Variants in COL25A1 observed in about 807,000 individuals in gnomAD.
COL25A1 encodes collagen type XXV alpha 1 chain.
A neutral mutation model predicts 128.4 loss-of-function variants in COL25A1; 103 were observed. The ratio of observed to expected loss-of-function variants is 0.80; its 90% confidence interval spans 0.68 to 0.94. The LOEUF (loss-of-function observed/expected upper bound fraction) is 0.94, where lower values mean the gene tolerates loss of function less well. COL25A1 is among the 40% of genes least tolerant of loss of function. The pLI, the probability that COL25A1 is intolerant of heterozygous loss-of-function variation, is 0.00. For missense variants in COL25A1, 745 were observed against 840.0 expected, an observed-to-expected ratio of 0.89 and a Z score of 1.40; for synonymous variants, 279 against 277.2, an observed-to-expected ratio of 1.01 and a Z score of -0.06.
At chr4:109,159,769 C>A (rs756203106) in intron 3 of COL25A1, among the ~76,000 whole-genome samples, 2 of 152,112 alleles carry the variant, frequency 1.3e-5, no homozygotes, top group Non-Finnish European at 2.9e-5. Context: ...CAACATTAGA[C>A]CATTTCTAAC....
At chr4:109,165,981 C>T (rs964378686) in intron 3 of COL25A1, among the ~76,000 whole-genome samples, 2 of 152,030 alleles carry the variant, frequency 1.3e-5, no homozygotes, top group Admixed American at 1.3e-4. Context: ...TTTTTAAGCT[C>T]TTGCTTTAAA....
rs796797540 is a variant in COL25A1 at position 109,144,204 on chromosome 4, G to A, written c.368-94025C>T. Among the ~76,000 whole-genome samples, 53 of 152,296 alleles carry A rather than the reference G, an allele frequency of 3.5e-4. 1 individual carries two copies. Among genetic ancestry groups the A allele is most frequent in the African/African-American group, 1.2e-3 (51 of 41,574 alleles). ...TAGAGGTCCATTCCCAACCCTGTTT[G>A]CCCTAGTATCACCAGCGGAGGCTGC... On this transcript the variant is annotated intron_variant, in intron 3 of 37. Transcript: ENST00000399132.
intron 32 of COL25A1, among the ~76,000 whole-genome samples, chr4:108,829,628 G>A (rs76388118): frequency 0.034 from 5,180 of 151,782 alleles, 128 homozygotes; most frequent in Non-Finnish European, 0.053. Flanking sequence ...CTTCTCACTT[G>A]AGAATCTTGG....
intron 23 of COL25A1, among the ~76,000 whole-genome samples, chr4:108,860,336 C>T (rs1737049447): frequency 6.6e-6 from 1 of 152,168 alleles, no homozygotes; most frequent in Non-Finnish European, 1.5e-5. Context: ...AGGTGATCCA[C>T]CAGCCTTGGC....
intron 3 of COL25A1, among the ~76,000 whole-genome samples, chr4:109,297,061 T>C (rs1317601842): frequency 6.6e-6 from 1 of 152,142 alleles, no homozygotes; most frequent in Non-Finnish European, 1.5e-5. Context: ...TGGTTACTGC[T>C]AAACCAAATA....
intron 3 of COL25A1, among the ~76,000 whole-genome samples, chr4:109,112,392 A>G (rs1297276885): frequency 6.6e-6 from 1 of 152,120 alleles, no homozygotes; most frequent in Non-Finnish European, 1.5e-5. Context: ...TTGTCTGACC[A>G]TAATAAATAT....
chr4:109,012,459 C>A (rs929722599), intron 5 of COL25A1, among the ~76,000 whole-genome samples: 1 of 152,160 alleles, frequency 6.6e-6, no homozygotes, highest in African/African-American at 2.4e-5. Context: ...CCTCTGCTTG[C>A]GGGGAGGTGT....
At chr4:109,070,774 G>C (rs1762884941) in intron 3 of COL25A1, among the ~76,000 whole-genome samples, 1 of 146,872 alleles carries the variant, frequency 6.8e-6, no homozygotes, top group South Asian at 2.1e-4. Context: ...CTATGAGTGA[G>C]AACATGCGGT....
rs756563490 is a variant in COL25A1 at position 108,832,394 on chromosome 4, G to T, written c.1696C>A (p.Pro566Thr). ...CAACAACTTACTCTTTCTCCTTTGGGACCTGCAGGGCCATGGGGTCCCATA... is the reference window on the plus strand; with the variant it reads ...CAACAACTTACTCTTTCTCCTTTGGTACCTGCAGGGCCATGGGGTCCCATA... ...GPMGPHGPAG[P>T]KGERGEKGAM... is the part of the protein sequence containing the mutation. The change falls in exon 32 of 38, where the codon CCC becomes ACC. Residue 566 changes from proline (P) to threonine (T), a missense_variant. By Grantham distance (38) the Pro-to-Thr change is conservative (BLOSUM62 -1). Coordinates refer to ENST00000399132, the MANE Select transcript of COL25A1 (RefSeq NM_198721.4). 11 of 1,610,584 alleles carry T rather than the reference G, an allele frequency of 6.8e-6. No individual in the cohort carries two copies. In the East Asian group the frequency reaches 2.5e-4, roughly 36 times the overall value.
At chr4:108,920,116 CAA>C (rs1745328675) in intron 12 of COL25A1, among the ~76,000 whole-genome samples, 2 of 152,116 alleles carry the variant, frequency 1.3e-5, no homozygotes, top group South Asian at 4.1e-4. Flanking sequence ...AATGAAATGA[CAA>C]TCAGGAAGTC....
intron 3 of COL25A1, among the ~76,000 whole-genome samples, chr4:109,215,465 C>T (rs1777911104): frequency 6.6e-6 from 1 of 152,124 alleles, no homozygotes; most frequent in African/African-American, 2.4e-5. Flanking sequence ...GTCATCAACA[C>T]TTACACTAAA....
At chr4:109,112,424 T>A (rs1366253970) in intron 3 of COL25A1, among the ~76,000 whole-genome samples, 1 of 152,114 alleles carries the variant, frequency 6.6e-6, no homozygotes, top group Non-Finnish European at 1.5e-5. Context: ...GAATGAAAAT[T>A]TTTTTTACCC....
At chr4:109,216,502 G>C (rs1778009532) in intron 3 of COL25A1, among the ~76,000 whole-genome samples, 2 of 152,050 alleles carry the variant, frequency 1.3e-5, no homozygotes, top group Non-Finnish European at 2.9e-5. Flanking sequence ...TGTCATCCTG[G>C]ATTAGAGTAG....
chr4:108,810,099 C>T lies in COL25A1; in HGVS notation c.*3828G>A, dbSNP rs148709051. The T allele has an allele frequency of 7.1e-4, 108 of 151,592 alleles. No individual in the cohort carries two copies. The highest frequency in any genetic ancestry group is 2.5e-3 in the African/African-American group (102 of 41,424). The allele number at this position is 151,592 out of a possible 1,614,324, so 9.4% of individuals were successfully genotyped here. ...TTATTAGAAGATGTTAAAACACCACCAAAGTATAGCCCTACTCTGGGTAAG... is the reference window on the plus strand; with the variant it reads ...TTATTAGAAGATGTTAAAACACCACTAAAGTATAGCCCTACTCTGGGTAAG... On this transcript the variant is annotated 3_prime_UTR_variant, in exon 38 of 38. Transcript: ENST00000399132.
chr4:108,835,538 A>G (rs973057502), intron 31 of COL25A1, among the ~76,000 whole-genome samples: 5 of 151,944 alleles, frequency 3.3e-5, no homozygotes, highest in African/African-American at 9.7e-5. Flanking sequence ...GAGCCATACT[A>G]TAACTGCAAA....
rs146704641 is a variant in COL25A1 at position 108,873,280 on chromosome 4, G to A, written c.1021-4130C>T. 1.1e-3 allele frequency among the ~76,000 whole-genome samples: 162 copies of A among 152,186 alleles called. 1 individual carries two copies. Among genetic ancestry groups the A allele is most frequent in the African/African-American group, 3.8e-3 (158 of 41,522 alleles). ...ATTCTAATTTTTAAGAATGTAAAGGGATTCTGAGACCAAAAAGTTCAAGAA... is the reference window on the plus strand; with the variant it reads ...ATTCTAATTTTTAAGAATGTAAAGGAATTCTGAGACCAAAAAGTTCAAGAA... On this transcript the variant is annotated intron_variant, in intron 19 of 37. Coordinates refer to ENST00000399132, the MANE Select transcript of COL25A1 (RefSeq NM_198721.4).
In COL25A1 at chr4:109,127,957, T is replaced by A. The variant is rs1213478152; in HGVS notation, c.368-77778A>T. Among the ~76,000 whole-genome samples, 1,115 of 152,266 alleles carry A rather than the reference T, an allele frequency of 7.3e-3. 5 individuals are homozygous for A. The highest frequency in any genetic ancestry group is 0.026 in the African/African-American group (1,068 of 41,554). ...GAGAAATGACAGAGTTATTCTTTCC[T>A]ATTGAGGCAGAGCAGGGACGCTCTT... On this transcript the variant is annotated intron_variant, in intron 3 of 37. Transcript: ENST00000399132.
At chr4:109,098,150 T>C (rs1765561889) in intron 3 of COL25A1, among the ~76,000 whole-genome samples, 1 of 152,180 alleles carries the variant, frequency 6.6e-6, no homozygotes, top group Non-Finnish European at 1.5e-5. Context: ...CTACCCTTCA[T>C]CAATATCATC....
intron 3 of COL25A1, among the ~76,000 whole-genome samples, chr4:109,051,670 A>G (rs12504920): frequency 0.17 from 25,070 of 150,822 alleles, 3,161 homozygotes; most frequent in East Asian, 0.46. Flanking sequence ...GATATATAAA[A>G]CTTCCTTAAG....
Sources: allele counts gnomAD v4.1 joint callset (sites outside exome capture counted in the v4.1 genomes callset), GRCh38; gene constraint gnomAD v4.1.1; transcripts MANE v1.5; gene names NCBI Gene and HGNC (gene_info 2026-07-23, HGNC 2026-07-21).